LOC102723971: variants seen among roughly 807,000 people sequenced by gnomAD.
the LOC102723971 span, among the ~76,000 whole-genome samples, chr9:135,618,466 A>C: frequency 6.6e-6 from 1 of 152,132 alleles, no homozygotes. Flanking sequence ...CAGACACATC[A>C]TCCAGCCCTA....
the LOC102723971 span, chr9:135,615,223 C>G: frequency 0.089 from 35,218 of 395,186 alleles, 1,730 homozygotes; most frequent in South Asian, 0.16. Flanking sequence ...CCGGCCCACG[C>G]CCCTGCAGGT....
At chr9:135,617,282 C>A in the LOC102723971 span, among the ~76,000 whole-genome samples, 3 of 152,248 alleles carry the variant, frequency 2.0e-5, no homozygotes, top group East Asian at 5.8e-4. Flanking sequence ...TTGCTCTGGG[C>A]GCTGCACTGG....
At chr9:135,614,226 C>T in the LOC102723971 span, 7 of 398,444 alleles carry the variant, frequency 1.8e-5, no homozygotes, top group Non-Finnish European at 2.7e-5. Context: ...GGACGCTCCC[C>T]CTTCCCCGGA....
chr9:135,619,157 G>A, the LOC102723971 span, among the ~76,000 whole-genome samples: 123 of 152,212 alleles, frequency 8.1e-4, 1 homozygote, highest in African/African-American at 2.9e-3. Flanking sequence ...CCCCTGCTGG[G>A]AAGGCCTCTT....
the LOC102723971 span, chr9:135,614,198 G>A: frequency 2.5e-6 from 1 of 398,598 alleles, no homozygotes; most frequent in Non-Finnish European, 4.4e-6. Flanking sequence ...GGGCAGCGCA[G>A]AGGAGGGAGC....
the LOC102723971 span, chr9:135,615,506 C>T: frequency 5.0e-6 from 2 of 398,636 alleles, no homozygotes; most frequent in Non-Finnish European, 8.8e-6. Flanking sequence ...GAAGTAAGCA[C>T]GGCTCCTGCC....
At chr9:135,616,260 G>A in the LOC102723971 span, among the ~76,000 whole-genome samples, 2 of 152,162 alleles carry the variant, frequency 1.3e-5, no homozygotes, top group Non-Finnish European at 2.9e-5. Flanking sequence ...GGAGCTCAGA[G>A]CCAAAGCCAG....
chr9:135,614,538 G>A, the LOC102723971 span, among the ~76,000 whole-genome samples: 7 of 152,248 alleles, frequency 4.6e-5, no homozygotes, highest in South Asian at 1.0e-3. Flanking sequence ...CTGTCCTCCC[G>A]CGCAGCCAGC....
the LOC102723971 span, chr9:135,615,545 T>C: frequency 2.6e-3 from 1,019 of 398,620 alleles, 6 homozygotes; most frequent in African/African-American, 0.019. Context: ...TTCTCAGACC[T>C]AGGGACCCCC....
the LOC102723971 span, among the ~76,000 whole-genome samples, chr9:135,615,898 C>T: frequency 6.6e-6 from 1 of 152,260 alleles, no homozygotes; most frequent in Non-Finnish European, 1.5e-5. Context: ...AGGACGGCTG[C>T]ACTGTCAGCA....
the LOC102723971 span, chr9:135,619,058 C>A: frequency 5.0e-6 from 2 of 399,886 alleles, no homozygotes; most frequent in Non-Finnish European, 8.8e-6. Flanking sequence ...CCTGGACTGT[C>A]CCCAGGTCCC....
At chr9:135,619,349 A>G in the LOC102723971 span, among the ~76,000 whole-genome samples, 1 of 152,082 alleles carries the variant, frequency 6.6e-6, no homozygotes, top group Non-Finnish European at 1.5e-5. Flanking sequence ...TGAGTGGAGC[A>G]CTGTAGTCCC....
the LOC102723971 span, chr9:135,614,410 T>C: frequency 5.1e-6 from 2 of 395,594 alleles, no homozygotes; most frequent in East Asian, 3.6e-5. Flanking sequence ...GAGTGTCACA[T>C]TGAGGAGGTG....
At chr9:135,614,376 G>T in the LOC102723971 span, 1 of 395,962 alleles carries the variant, frequency 2.5e-6, no homozygotes, top group South Asian at 1.3e-4. Context: ...CCAGTCCCCA[G>T]ACTCAGGCCT....
chr9:135,616,153 G>A, the LOC102723971 span, among the ~76,000 whole-genome samples: 19 of 152,260 alleles, frequency 1.2e-4, no homozygotes, highest in East Asian at 7.7e-4. Context: ...GTCTATGCAC[G>A]GAGGCAGGAG....
At chr9:135,616,866 G>A in the LOC102723971 span, 5 of 398,576 alleles carry the variant, frequency 1.3e-5, no homozygotes, top group Admixed American at 8.8e-5. Context: ...GGGGGACGGA[G>A]GAGAGAGGCA....
the LOC102723971 span, among the ~76,000 whole-genome samples, chr9:135,614,636 G>GA: frequency 1.3e-5 from 2 of 152,188 alleles, no homozygotes; most frequent in African/African-American, 4.8e-5. Context: ...GGAGAAGGCT[G>GA]CAGGGCGGCA....
the LOC102723971 span, chr9:135,619,092 G>C: frequency 2.5e-6 from 1 of 399,010 alleles, no homozygotes; most frequent in Non-Finnish European, 4.4e-6. Flanking sequence ...TTGCATCTCA[G>C]GGACTCAAGG....
chr9:135,616,816 G>A, the LOC102723971 span: 20 of 398,506 alleles, frequency 5.0e-5, no homozygotes, highest in Admixed American at 3.1e-4. Flanking sequence ...CCTCTTGGTG[G>A]CATTGCAATG....
Sources: allele counts gnomAD v4.1 joint callset (sites outside exome capture counted in the v4.1 genomes callset), GRCh38; gene constraint gnomAD v4.1.1; transcripts MANE v1.5.